PRKCH: variants seen among roughly 807,000 people sequenced by gnomAD.
PRKCH encodes the protein protein kinase C eta type.
In PRKCH, 28 loss-of-function variants were observed where a neutral mutation model predicts 82.5. The observed-to-expected ratio is 0.34, with a 90% CI of 0.25 to 0.47. PRKCH has a LOEUF of 0.47. PRKCH is among the 20% of genes least tolerant of loss of function. PRKCH has a pLI of 1.00. For missense variants in PRKCH, 705 were observed against 881.8 expected, an observed-to-expected ratio of 0.80 and a Z score of 2.54; for synonymous variants, 322 against 327.4, an observed-to-expected ratio of 0.98 and a Z score of 0.18.
At chr14:61,250,138 TA>T (rs1219807029) in intron 1 of PRKCH, among the ~76,000 whole-genome samples, 13 of 150,924 alleles carry the variant, frequency 8.6e-5, no homozygotes, top group Admixed American at 7.9e-4. Flanking sequence ...TGGGCGCCTG[TA>T]ATCCCAACTA....
intron 1 of PRKCH, among the ~76,000 whole-genome samples, chr14:61,217,735 T>C (rs534339390): frequency 2.6e-5 from 4 of 152,182 alleles, no homozygotes; most frequent in Non-Finnish European, 5.9e-5. Context: ...TTTGAAAGAA[T>C]GAAAACATTG....
At chr14:61,424,698 CG>C (rs1883019409) in intron 2 of PRKCH, among the ~76,000 whole-genome samples, 2 of 152,208 alleles carry the variant, frequency 1.3e-5, no homozygotes, top group South Asian at 4.1e-4. Context: ...CAGAAATTTG[CG>C]TAAGTAACAA....
chr14:61,188,739 G>GTGTGTGTGTGTGTGTGTGT (rs1491089927), intron 1 of PRKCH, among the ~76,000 whole-genome samples: 2 of 144,354 alleles, frequency 1.4e-5, no homozygotes, highest in Admixed American at 7.0e-5. Context: ...GTGTGTGTGT[G>GTGTGTGTGTGTGTGTGTGT]ATGGAGTTTT....
At chr14:61,323,993 C>G (rs1485104419) in intron 1 of PRKCH, among the ~76,000 whole-genome samples, 2 of 152,234 alleles carry the variant, frequency 1.3e-5, no homozygotes, top group African/African-American at 2.4e-5. Flanking sequence ...ATAGCCTAGA[C>G]TCGTCCTTCT....
chr14:61,530,389 G>A lies in PRKCH; in HGVS notation c.1573-18G>A, dbSNP rs201750860. 54 of 1,509,766 alleles carry A rather than the reference G, an allele frequency of 3.6e-5. No homozygotes were observed. Among genetic ancestry groups the A allele is most frequent in the East Asian group, 4.8e-5 (2 of 41,524 alleles). 93.5% of individuals were successfully genotyped at this position (1,509,766 alleles called of 1,614,324 possible). A position where few individuals can be genotyped will look rare whatever the true frequency, so the allele number is the denominator to read the frequency against. Reference sequence around the variant, plus strand: ...TCTGATGTATGAACCACCTTCTCACGCTGCCCCCTTTGCACAGATCCTCCA... The same window carrying A: ...TCTGATGTATGAACCACCTTCTCACACTGCCCCCTTTGCACAGATCCTCCA... On this transcript the variant is annotated intron_variant, in intron 11 of 13. Coordinates refer to ENST00000332981, the MANE Select transcript of PRKCH (RefSeq NM_006255.5).
At chr14:61,436,978 A>G (rs1883709227) in intron 2 of PRKCH, among the ~76,000 whole-genome samples, 1 of 152,228 alleles carries the variant, frequency 6.6e-6, no homozygotes, top group African/African-American at 2.4e-5. Flanking sequence ...GTCTTCCTTA[A>G]TTAGTTACAG....
intron 2 of PRKCH, among the ~76,000 whole-genome samples, chr14:61,393,704 T>G (rs2046723379): frequency 6.6e-6 from 1 of 152,234 alleles, no homozygotes; most frequent in Admixed American, 6.5e-5. Flanking sequence ...GCCCCATCTT[T>G]CCAGGTTTTC....
chr14:61,536,009 A>G (rs2043103958), intron 12 of PRKCH, among the ~76,000 whole-genome samples: 1 of 152,248 alleles, frequency 6.6e-6, no homozygotes, highest in African/African-American at 2.4e-5. Context: ...AAACATTTCT[A>G]GCCTGTATAG....
intron 1 of PRKCH, among the ~76,000 whole-genome samples, chr14:61,292,084 T>C (rs1401758337): frequency 1.3e-5 from 2 of 152,148 alleles, no homozygotes; most frequent in African/African-American, 4.8e-5. Context: ...GCATGTATTT[T>C]AGATGCACCA....
intron 1 of PRKCH, among the ~76,000 whole-genome samples, chr14:61,276,050 T>C (rs1411387639): frequency 6.6e-6 from 1 of 152,188 alleles, no homozygotes; most frequent in African/African-American, 2.4e-5. Flanking sequence ...AGGATGCCTG[T>C]GTACATAGCA....
intron 2 of PRKCH, 73 bp downstream of exon 2, chr14:61,391,361 G>C: frequency 7.9e-7 from 1 of 1,273,698 alleles, no homozygotes; most frequent in African/African-American, 1.6e-5. Context: ...TTTCTATCAT[G>C]GACATTATAA....
At chr14:61,527,613 C>T (rs746613887) in intron 10 of PRKCH, among the ~76,000 whole-genome samples, 2 of 152,182 alleles carry the variant, frequency 1.3e-5, no homozygotes, top group Non-Finnish European at 2.9e-5. Context: ...TCTGTTACTC[C>T]CTTAATGAGG....
intron 10 of PRKCH, among the ~76,000 whole-genome samples, chr14:61,500,002 G>C (rs1886832176): frequency 6.6e-6 from 1 of 150,612 alleles, no homozygotes; most frequent in Non-Finnish European, 1.5e-5. Context: ...CCTGATAGTC[G>C]CTCGTTCTGG....
chr14:61,507,831 A>ATAAG (rs1887216873), intron 10 of PRKCH, among the ~76,000 whole-genome samples: 1 of 152,112 alleles, frequency 6.6e-6, no homozygotes, highest in Admixed American at 6.5e-5. Flanking sequence ...TGCAGGATAA[A>ATAAG]CAAGCTCTGG....
At chr14:61,515,854 T>C (rs898456753) in intron 10 of PRKCH, among the ~76,000 whole-genome samples, 1 of 152,198 alleles carries the variant, frequency 6.6e-6, no homozygotes, top group Non-Finnish European at 1.5e-5. Flanking sequence ...ATTATCTTTC[T>C]TGTTGATGAA....
At chr14:61,468,602 G>A (rs1477450191) in intron 9 of PRKCH, among the ~76,000 whole-genome samples, 2 of 152,180 alleles carry the variant, frequency 1.3e-5, no homozygotes, top group Non-Finnish European at 2.9e-5. Context: ...AGTTCAAGCT[G>A]TGTCTTTGGC....
chr14:61,511,061 C>T (rs1358255469), intron 10 of PRKCH, among the ~76,000 whole-genome samples: 1 of 152,084 alleles, frequency 6.6e-6, no homozygotes, highest in Non-Finnish European at 1.5e-5. Context: ...TGTTTAGTTG[C>T]CTCCAATTTG....
intron 1 of PRKCH, among the ~76,000 whole-genome samples, chr14:61,257,481 G>A (rs75473719): frequency 0.018 from 2,735 of 152,078 alleles, 103 homozygotes; most frequent in African/African-American, 0.063. Context: ...CTTCTTTGAA[G>A]CAGCATACAT....
At chr14:61,435,808 A>G (rs180773271) in intron 2 of PRKCH, among the ~76,000 whole-genome samples, 2 of 152,334 alleles carry the variant, frequency 1.3e-5, no homozygotes. Flanking sequence ...GAACATCCAG[A>G]AAGACTAGAA....
Sources: gnomAD v4.1 joint callset for allele counts (sites outside exome capture counted in the v4.1 genomes callset) on GRCh38, gnomAD v4.1.1 for gene constraint, MANE v1.5 for transcripts, NCBI Gene and HGNC (gene_info 2026-07-23, HGNC 2026-07-21) for gene names.